Variants in PLXDC1 observed in about 807,000 individuals in gnomAD.
PLXDC1 encodes plexin domain containing 1.
Under a neutral mutation model 61.3 loss-of-function variants are expected in PLXDC1, and 39 were observed. The ratio of observed to expected loss-of-function variants is 0.64; its 90% CI spans 0.49 to 0.83. The LOEUF (loss-of-function observed/expected upper bound fraction) is 0.83. PLXDC1 is among the 40% of genes least tolerant of loss of function. PLXDC1 has a pLI of 0.00. For synonymous variants in PLXDC1, 212 were observed against 254.5 expected (o/e 0.83, Z 1.59); for missense variants, 596 against 666.5 (o/e 0.89, Z 1.17).
chr17:39,139,205 C>A (rs1052816501), intron 2 of PLXDC1, among the ~76,000 whole-genome samples: 6 of 152,204 alleles, frequency 3.9e-5, no homozygotes, highest in African/African-American at 1.4e-4. Context: ...TACTCAGCCC[C>A]CTGCTGAGTG....
chr17:39,133,178 T>C (rs754033206), intron 2 of PLXDC1, among the ~76,000 whole-genome samples: 18 of 151,698 alleles, frequency 1.2e-4, no homozygotes, highest in South Asian at 6.3e-4. Flanking sequence ...ATTCTCCAGG[T>C]TGGGGGTGGG....
intron 7 of PLXDC1, among the ~76,000 whole-genome samples, chr17:39,105,442 G>A (rs112358816): frequency 5.3e-5 from 8 of 152,136 alleles, no homozygotes; most frequent in African/African-American, 1.9e-4. Flanking sequence ...GGACAGGGAG[G>A]TAACAGCATG....
At chr17:39,088,266 C>T (rs904920176) in intron 7 of PLXDC1, among the ~76,000 whole-genome samples, 9 of 152,216 alleles carry the variant, frequency 5.9e-5, no homozygotes, top group African/African-American at 1.7e-4. Context: ...CTGACTTTTG[C>T]ATGTTGCTGT....
chr17:39,107,989 A>C, intron 5 of PLXDC1, 134 bp downstream of exon 5: 1 of 1,117,356 alleles, frequency 8.9e-7, no homozygotes, highest in East Asian at 2.4e-5. Flanking sequence ...CAGGAAACTG[A>C]GCAGAGAAAG....
intron 7 of PLXDC1, among the ~76,000 whole-genome samples, chr17:39,098,328 ACT>A (rs1910298484): frequency 6.6e-6 from 1 of 151,876 alleles, no homozygotes; most frequent in Non-Finnish European, 1.5e-5. Context: ...TTTCCAAAAC[ACT>A]CAACTCCCAA....
At chr17:39,143,536 G>A (rs984505024) in intron 1 of PLXDC1, among the ~76,000 whole-genome samples, 7 of 152,234 alleles carry the variant, frequency 4.6e-5, no homozygotes, top group African/African-American at 1.4e-4. Context: ...AATTGAGGAC[G>A]CAGTGCATAG....
chr17:39,104,194 G>A (rs571969577), intron 7 of PLXDC1, among the ~76,000 whole-genome samples: 17 of 152,120 alleles, frequency 1.1e-4, no homozygotes, highest in Non-Finnish European at 2.4e-4. Context: ...ATACACTATC[G>A]CCTGCGTGTT....
chr17:39,134,456 T>C (rs2143898416), intron 2 of PLXDC1, among the ~76,000 whole-genome samples: 1 of 148,440 alleles, frequency 6.7e-6, no homozygotes, highest in Non-Finnish European at 1.5e-5. Flanking sequence ...TGAAAGCCCG[T>C]CTCTACTGAA....
chr17:39,129,637 G>A (rs1328591561), intron 2 of PLXDC1, among the ~76,000 whole-genome samples: 3 of 84,100 alleles, frequency 3.6e-5, no homozygotes, highest in Admixed American at 2.1e-4. Context: ...AGAAAAGAAA[G>A]AAAGAGAGAG....
Position 39,069,881 on chromosome 17 carries a change from G to C in PLXDC1, c.1358C>G (p.Ser453Cys), listed in dbSNP as rs1473452029. 2 of 1,613,892 alleles carry C rather than the reference G, an allele frequency of 1.2e-6. No homozygotes were observed. The highest frequency in any genetic ancestry group is 1.3e-5 in the African/African-American group (1 of 74,914). ...AGIYINGHPT[S>C]NAALFFIERR... ...CTCGATGAAGAAGAGCGCAGCATTG[G>C]ATGTGGGGTGGCCATTGATGTAAAT... is the stretch of plus-strand genomic sequence containing the variant. The change falls in exon 13 of 14, where the codon TCC becomes TGC. Residue 453 changes from serine (S) to cysteine (C), a missense_variant. Physicochemically the swap from Ser to Cys is moderately radical, Grantham distance 112. Coordinates refer to ENST00000315392, the MANE Select transcript of PLXDC1 (RefSeq NM_020405.5).
chr17:39,147,289 T>G (rs1288425719), intron 1 of PLXDC1, among the ~76,000 whole-genome samples: 3 of 152,158 alleles, frequency 2.0e-5, no homozygotes, highest in Admixed American at 2.0e-4. Context: ...TGCAGTTTCT[T>G]TATTTCTTCA....
rs760876165 is a variant in PLXDC1 at position 39,151,356 on chromosome 17, T to G, written c.76+6A>C. 1.9e-5 allele frequency: 24 copies of G among 1,285,448 alleles called. No individual in the cohort carries two copies. In the East Asian group the frequency reaches 7.5e-4, roughly 40 times the overall value. 79.6% of individuals were successfully genotyped at this position (1,285,448 alleles called of 1,614,324 possible). ...GCCCACCCGGGCCGGCTCCCGCCAG[T>G]CCTACCTGCTCCGGGCTGGGGGCTC... On this transcript the variant is annotated splice_donor_region_variant and intron_variant, in intron 1 of 13. Coordinates refer to ENST00000315392, the MANE Select transcript of PLXDC1 (RefSeq NM_020405.5). The surrounding 1 kb of genome is among the most constrained non-coding windows in gnomAD (Gnocchi z 5.2).
upstream of PLXDC1, chr17:39,152,587 G>GGAGAC: frequency 1.3e-5 from 16 of 1,251,528 alleles, no homozygotes; most frequent in Non-Finnish European, 1.6e-5. Context: ...CTGGAGAGTG[G>GGAGAC]GAGACGGGGT....
At chr17:39,128,124 T>C (rs1225930221) in intron 2 of PLXDC1, among the ~76,000 whole-genome samples, 1 of 110,884 alleles carries the variant, frequency 9.0e-6, no homozygotes, top group Non-Finnish European at 1.8e-5. Flanking sequence ...TGTATATATA[T>C]ATGTGTATAT....
Position 39,068,100 on chromosome 17 carries a change from A to G in PLXDC1, c.1384-141T>C. 4 of 684,024 alleles carry G rather than the reference A, an allele frequency of 5.8e-6. No individual in the cohort carries two copies. In the South Asian group the frequency reaches 8.1e-5, roughly 14 times the overall value. The allele number at this position is 684,024 out of a possible 1,614,324, so 42.4% of individuals were successfully genotyped here. A position where few individuals can be genotyped will look rare whatever the true frequency, so the allele number is the denominator to read the frequency against. On this transcript the variant is annotated intron_variant, in intron 13 of 13. Transcript: ENST00000315392. ...GGGCCTACCAGGAGCCACACAACTG[A>G]CCTTCAGGGACCCTCTCCCTAAAAT...
rs561284890 is a variant in PLXDC1 at position 39,133,996 on chromosome 17, G to A, written c.255+5658C>T. 2.8e-4 allele frequency among the ~76,000 whole-genome samples: 42 copies of A among 151,420 alleles called. No individual in the cohort carries two copies. The South Asian group carries it at 5.2e-3, about 19-fold the overall frequency. ...AAATAGGCCAGGTGCAGTGGCTCAC[G>A]CCTGTAATCCCAGCACTTTGGGAGG... On this transcript the variant is annotated intron_variant, in intron 2 of 13. Transcript: ENST00000315392.
chr17:39,115,324 C>T (rs1369383930), intron 2 of PLXDC1, among the ~76,000 whole-genome samples: 5 of 152,244 alleles, frequency 3.3e-5, no homozygotes, highest in Admixed American at 6.5e-5. Context: ...GCAAGAGCCT[C>T]GAAGCCTAAC....
At chr17:39,138,678 G>A (rs1408118952) in intron 2 of PLXDC1, among the ~76,000 whole-genome samples, 1 of 152,064 alleles carries the variant, frequency 6.6e-6, no homozygotes, top group Non-Finnish European at 1.5e-5. Context: ...GGGAGAGGAG[G>A]GGCAGGACTG....
Position 39,127,479 on chromosome 17 carries a change from A to G in PLXDC1, c.255+12175T>C, listed in dbSNP as rs1911344960. ...CAACACCTTTGCAATAACACTTCAG[A>G]CAATAGCATCCCCATTAGACAATGA... On this transcript the variant is annotated intron_variant, in intron 2 of 13. Coordinates refer to ENST00000315392, the MANE Select transcript of PLXDC1 (RefSeq NM_020405.5). Among the ~76,000 whole-genome samples, 7 of 152,212 alleles carry G rather than the reference A, an allele frequency of 4.6e-5. No homozygotes were observed. In the South Asian group the frequency reaches 1.4e-3, roughly 31 times the overall value.
Sources: allele counts gnomAD v4.1 joint callset (sites outside exome capture counted in the v4.1 genomes callset), GRCh38; gene constraint gnomAD v4.1.1; non-coding constraint Gnocchi (gnomAD v3.1); transcripts MANE v1.5; gene names NCBI Gene and HGNC (gene_info 2026-07-23, HGNC 2026-07-21).